Variants in SYNPR observed in about 807,000 individuals in gnomAD.
SYNPR encodes synaptoporin.
Under a neutral mutation model 32.9 loss-of-function variants are expected in SYNPR, and 23 were observed. That is an observed-to-expected ratio of 0.70 (90% CI 0.50 to 0.99). The LOEUF (loss-of-function observed/expected upper bound fraction) is 0.99, where lower values mean the gene tolerates loss of function less well. SYNPR is among the 50% of genes least tolerant of loss of function. The probability of loss-of-function intolerance (pLI) is 0.00; values close to 1 mark genes in which losing one functional copy is unlikely to be tolerated. For missense variants in SYNPR, 318 were observed against 349.3 expected (o/e 0.91, Z 0.71); for synonymous variants, 146 against 135.9 (o/e 1.07, Z -0.52).
chr3:63,587,622 T>C (rs934839176), intron 4 of SYNPR, among the ~76,000 whole-genome samples: 5 of 152,106 alleles, frequency 3.3e-5, no homozygotes, highest in African/African-American at 1.2e-4. Flanking sequence ...GCAAAGAACA[T>C]AAAGCAAAGT....
At chr3:63,497,809 A>G (rs939431470) in intron 3 of SYNPR, among the ~76,000 whole-genome samples, 2 of 152,204 alleles carry the variant, frequency 1.3e-5, no homozygotes, top group African/African-American at 2.4e-5. Context: ...ATGTTGTGCA[A>G]GACTAAATGA....
At chr3:63,530,346 G>A (rs1198093940) in intron 3 of SYNPR, among the ~76,000 whole-genome samples, 2 of 152,050 alleles carry the variant, frequency 1.3e-5, no homozygotes, top group African/African-American at 4.8e-5. Flanking sequence ...GGTGGCCCAT[G>A]GTGCTTCCCA....
chr3:63,468,398 G>A (rs931517937), intron 2 of SYNPR, among the ~76,000 whole-genome samples: 8 of 151,908 alleles, frequency 5.3e-5, no homozygotes, highest in Non-Finnish European at 8.8e-5. Context: ...ATTCTGGGTT[G>A]CTACCTCTTA....
At chr3:63,201,835 C>T in the SYNPR span, among the ~76,000 whole-genome samples, 35 of 151,936 alleles carry the variant, frequency 2.3e-4, no homozygotes, top group South Asian at 1.9e-3. Context: ...CAGAGATAAC[C>T]AGAACATAAA....
At chr3:63,489,952 G>A (rs1701228998) in intron 3 of SYNPR, among the ~76,000 whole-genome samples, 1 of 152,162 alleles carries the variant, frequency 6.6e-6, no homozygotes, top group Non-Finnish European at 1.5e-5. Flanking sequence ...GGAGCGGGGA[G>A]TGACATGAGA....
intron 4 of SYNPR, among the ~76,000 whole-genome samples, chr3:63,574,930 AT>A (rs1702951427): frequency 6.6e-6 from 1 of 152,256 alleles, no homozygotes; most frequent in East Asian, 1.9e-4. Context: ...AAGTAGATAA[AT>A]TTTTGAAAGT....
At chr3:63,569,140 T>C (rs1702843471) in intron 4 of SYNPR, among the ~76,000 whole-genome samples, 2 of 152,206 alleles carry the variant, frequency 1.3e-5, no homozygotes, top group Non-Finnish European at 2.9e-5. Flanking sequence ...AATATTCCAT[T>C]ATATTGAGAT....
At chr3:63,410,837 G>A (rs2088455167) in intron 2 of SYNPR, among the ~76,000 whole-genome samples, 1 of 152,146 alleles carries the variant, frequency 6.6e-6, no homozygotes, top group African/African-American at 2.4e-5. Context: ...TGACTTTGAG[G>A]AGGACAGTGA....
At chr3:63,560,500 G>A (rs552633681) in intron 4 of SYNPR, among the ~76,000 whole-genome samples, 2 of 152,304 alleles carry the variant, frequency 1.3e-5, no homozygotes, top group South Asian at 4.1e-4. Context: ...TTGTTCAAGT[G>A]TTCACAATAA....
At chr3:63,241,396 G>A (rs1490219036) in intron 1 of SYNPR, among the ~76,000 whole-genome samples, 1 of 152,048 alleles carries the variant, frequency 6.6e-6, no homozygotes. Flanking sequence ...GGGAAGCCTG[G>A]ACTTCTTACC....
chr3:63,476,211 A>G (rs1258640730), intron 2 of SYNPR, among the ~76,000 whole-genome samples: 1 of 63,740 alleles, frequency 1.6e-5, no homozygotes. Flanking sequence ...GGAAGGAAGG[A>G]AGGAGGGAAG....
chr3:63,422,477 G>A (rs1699817299), intron 2 of SYNPR, among the ~76,000 whole-genome samples: 2 of 152,202 alleles, frequency 1.3e-5, no homozygotes, highest in African/African-American at 4.8e-5. Flanking sequence ...AGAGGTGACG[G>A]AAATCTTCAA....
intron 3 of SYNPR, among the ~76,000 whole-genome samples, chr3:63,554,537 T>C (rs374083570): frequency 1.2e-4 from 18 of 152,324 alleles, no homozygotes; most frequent in East Asian, 1.2e-3. Flanking sequence ...TGGTTTTATT[T>C]CTGAGTTTTT....
At chr3:63,270,986 CTTCCTTCCTTTTCT>C (rs1296044858) in intron 3 of SYNPR, among the ~76,000 whole-genome samples, 27 of 53,798 alleles carry the variant, frequency 5.0e-4, no homozygotes, top group Non-Finnish European at 7.8e-4. Flanking sequence ...TCCTTCCTTC[CTTCCTTCCTTTTCT>C]TTCCTTCCTT....
chr3:63,498,316 C>CA (rs2106730952), intron 3 of SYNPR, among the ~76,000 whole-genome samples: 1 of 152,218 alleles, frequency 6.6e-6, no homozygotes, highest in African/African-American at 2.4e-5. Flanking sequence ...TGAATGCCTG[C>CA]ACTGTGCCAG....
intron 2 of SYNPR, among the ~76,000 whole-genome samples, chr3:63,324,669 G>C (rs1277908906): frequency 6.6e-6 from 1 of 152,102 alleles, no homozygotes; most frequent in Admixed American, 6.6e-5. Context: ...AATTACAAGA[G>C]TCCTCTTTGG....
chr3:63,372,004 C>T (rs2087818679), intron 2 of SYNPR, among the ~76,000 whole-genome samples: 1 of 152,116 alleles, frequency 6.6e-6, no homozygotes, highest in South Asian at 2.1e-4. Flanking sequence ...CCACTCTTCA[C>T]CAGACTGAGC....
intron 2 of SYNPR, among the ~76,000 whole-genome samples, chr3:63,418,765 TCCTC>T (rs2088573176): frequency 1.3e-5 from 2 of 152,044 alleles, no homozygotes; most frequent in South Asian, 4.2e-4. Context: ...GGTAAAGACC[TCCTC>T]CCATGATTCA....
intron 2 of SYNPR, among the ~76,000 whole-genome samples, chr3:63,478,727 CA>C (rs1700982288): frequency 1.3e-5 from 2 of 152,270 alleles, no homozygotes; most frequent in South Asian, 4.1e-4. Flanking sequence ...TTCAGAGAGA[CA>C]TAGGGGTTAT....
Sources: gnomAD v4.1 joint callset for allele counts (sites outside exome capture counted in the v4.1 genomes callset) on GRCh38, gnomAD v4.1.1 for gene constraint, MANE v1.5 for transcripts, NCBI Gene and HGNC (gene_info 2026-07-23, HGNC 2026-07-21) for gene names.